LANCL2: variants seen among roughly 807,000 people sequenced by gnomAD.
LANCL2 encodes the protein LanC like glutathione S-transferase 2.
A neutral mutation model predicts 56.9 loss-of-function variants in LANCL2; 33 were observed. That is an observed-to-expected ratio of 0.58 (90% CI 0.44 to 0.78). LANCL2 has a LOEUF of 0.78. Ranked by LOEUF, LANCL2 falls within the 30% of genes least tolerant of loss-of-function variation. LANCL2 has a pLI of 0.00. For missense variants in LANCL2, 562 were observed against 580.2 expected, an observed-to-expected ratio of 0.97 and a Z score of 0.32; for synonymous variants, 233 against 228.2, an observed-to-expected ratio of 1.02 and a Z score of -0.19.
Position 55,379,329 on chromosome 7 carries a change from G to A in LANCL2, c.205-12464G>A, listed in dbSNP as rs540935994. 1.7e-3 allele frequency among the ~76,000 whole-genome samples: 254 copies of A among 152,208 alleles called. 2 individuals are homozygous for A. The highest frequency in any genetic ancestry group is 3.4e-3 in the Middle Eastern group (1 of 294). On this transcript the variant is annotated intron_variant, in intron 1 of 8. Transcript: ENST00000254770. ...CAGGCAGAAGGGGAGAAAAATTAGG[G>A]AAGTTCTGTCTTTTTTATCATGAAA... is the stretch of plus-strand genomic sequence containing the variant.
intron 6 of LANCL2, among the ~76,000 whole-genome samples, chr7:55,413,828 A>G (rs1263774305): frequency 1.3e-5 from 2 of 152,180 alleles, no homozygotes; most frequent in African/African-American, 4.8e-5. Context: ...CTCTACATTA[A>G]GATTCTTGAA....
intron 5 of LANCL2, among the ~76,000 whole-genome samples, 168 bp from the exon 6 acceptor site, chr7:55,411,739 G>T (rs933236908): frequency 2.2e-4 from 34 of 152,308 alleles, no homozygotes; most frequent in African/African-American, 7.9e-4. Context: ...ATTTCAAACA[G>T]TTGAAACAAG....
chr7:55,402,995 T>C (rs547892918), intron 5 of LANCL2, among the ~76,000 whole-genome samples: 2 of 141,572 alleles, frequency 1.4e-5, no homozygotes, highest in Admixed American at 1.4e-4. Context: ...TCCCAGACGA[T>C]GGGCGGCCAG....
At chr7:55,425,102 G>GT in intron 6 of LANCL2, 152 bp from the exon 7 acceptor site, 1 of 691,424 alleles carries the variant, frequency 1.4e-6, no homozygotes, top group Non-Finnish European at 2.4e-6. Flanking sequence ...CTGTGTTGCT[G>GT]GTGTTTTTTT....
chr7:55,377,051 TAAAG>T (rs1481714468), intron 1 of LANCL2, among the ~76,000 whole-genome samples: 3 of 152,234 alleles, frequency 2.0e-5, no homozygotes, highest in Non-Finnish European at 4.4e-5. Flanking sequence ...CATGCCAAGA[TAAAG>T]AAATTTCATC....
intron 1 of LANCL2, among the ~76,000 whole-genome samples, chr7:55,391,276 C>G (rs963726192): frequency 6.6e-6 from 1 of 152,072 alleles, no homozygotes; most frequent in African/African-American, 2.4e-5. Flanking sequence ...CCTCGGCCTC[C>G]CAAAGTGCTG....
rs1275244666 is a variant in LANCL2 at position 55,365,712 on chromosome 7, G to A, written c.-314G>A. The A allele has an allele frequency of 1.2e-5, 3 of 253,558 alleles. No homozygotes were observed. The highest frequency in any genetic ancestry group is 6.7e-5 in the African/African-American group (3 of 45,066). 15.7% of individuals were successfully genotyped at this position (253,558 alleles called of 1,614,324 possible). A position where few individuals can be genotyped will look rare whatever the true frequency, so the allele number is the denominator to read the frequency against. On this transcript the variant is annotated 5_prime_UTR_variant, in exon 1 of 9. Coordinates refer to ENST00000254770, the MANE Select transcript of LANCL2 (RefSeq NM_018697.4). ...GACGGGCTCTGCGGGCCACGGGGAA[G>A]GTGCGAGGAGGCGCGAGCAGGCTGT...
intron 1 of LANCL2, among the ~76,000 whole-genome samples, chr7:55,384,161 A>C (rs1256240225): frequency 6.6e-6 from 1 of 152,226 alleles, no homozygotes; most frequent in African/African-American, 2.4e-5. Flanking sequence ...GCTGTTGGTA[A>C]TTGGAATCAT....
chr7:55,402,692 CG>C (rs1207312038), intron 5 of LANCL2, among the ~76,000 whole-genome samples: 3 of 113,010 alleles, frequency 2.7e-5, no homozygotes, highest in East Asian at 4.6e-4. Context: ...GCTGGCCGGG[CG>C]GGGGGCTGAC....
At chr7:55,420,644 G>A (rs1409315384) in intron 6 of LANCL2, among the ~76,000 whole-genome samples, 1 of 152,172 alleles carries the variant, frequency 6.6e-6, no homozygotes, top group Non-Finnish European at 1.5e-5. Context: ...TAGGCTTGTG[G>A]TCCATGCAGT....
At position 55,431,155 on chromosome 7, in the gene LANCL2, A is replaced by G. The variant is rs914535147; in HGVS notation, c.1259-71A>G. ...ATGCTTGCAGCCCCTGGTAAGGGAA[A>G]TGATTAAAAGTCACTGTTATAGACA... On this transcript the variant is annotated intron_variant, in intron 8 of 8. Transcript: ENST00000254770. The G allele has an allele frequency of 1.4e-5, 15 of 1,093,928 alleles. No homozygotes were observed. The South Asian group carries it at 2.5e-4, about 18-fold the overall frequency. 67.8% of individuals were successfully genotyped at this position (1,093,928 alleles called of 1,614,324 possible).
At chr7:55,420,366 T>A (rs909828629) in intron 6 of LANCL2, among the ~76,000 whole-genome samples, 2 of 152,266 alleles carry the variant, frequency 1.3e-5, no homozygotes, top group Non-Finnish European at 2.9e-5. Flanking sequence ...TTGAGAATTG[T>A]GTGGATATTT....
At chr7:55,427,819 C>A (rs376864733) in intron 7 of LANCL2, among the ~76,000 whole-genome samples, 33 of 152,242 alleles carry the variant, frequency 2.2e-4, no homozygotes, top group African/African-American at 7.7e-4. Flanking sequence ...TTGAAGAGGT[C>A]TAAGAAGAAA....
At chr7:55,391,260 C>T (rs1790186403) in intron 1 of LANCL2, among the ~76,000 whole-genome samples, 3 of 151,940 alleles carry the variant, frequency 2.0e-5, no homozygotes, top group African/African-American at 4.8e-5. Context: ...CCTCGTGATC[C>T]GCCCGCCTCG....
intron 1 of LANCL2, among the ~76,000 whole-genome samples, chr7:55,391,310 G>A (rs1445276150): frequency 3.9e-5 from 6 of 152,082 alleles, no homozygotes; most frequent in East Asian, 1.9e-4. Flanking sequence ...GAGCCACCGC[G>A]CCCGGCCTGA....
At chr7:55,406,428 G>A (rs1231179211) in intron 5 of LANCL2, among the ~76,000 whole-genome samples, 1 of 152,182 alleles carries the variant, frequency 6.6e-6, no homozygotes, top group African/African-American at 2.4e-5. Context: ...GTGCAGAGTC[G>A]GCTGAAAGAT....
At chr7:55,412,424 C>CT (rs1308190496) in intron 6 of LANCL2, among the ~76,000 whole-genome samples, 3 of 152,120 alleles carry the variant, frequency 2.0e-5, no homozygotes, top group Non-Finnish European at 4.4e-5. Flanking sequence ...AACCAAAGTG[C>CT]TTTTTTGTTC....
chr7:55,402,643 C>CG (rs1187140974), intron 5 of LANCL2, among the ~76,000 whole-genome samples: 3 of 98,316 alleles, frequency 3.1e-5, no homozygotes, highest in South Asian at 3.5e-4. Flanking sequence ...GCTGGCTGGG[C>CG]GGGGGGCTAA....
At chr7:55,385,744 G>GGAT (rs1216443815) in intron 1 of LANCL2, among the ~76,000 whole-genome samples, 2 of 152,162 alleles carry the variant, frequency 1.3e-5, no homozygotes, top group Admixed American at 6.6e-5. Flanking sequence ...CATCTTATCA[G>GGAT]GAGACAGGGT....
Sources: allele counts gnomAD v4.1 joint callset (sites outside exome capture counted in the v4.1 genomes callset), GRCh38; gene constraint gnomAD v4.1.1; transcripts MANE v1.5; gene names NCBI Gene and HGNC (gene_info 2026-07-23, HGNC 2026-07-21).